The following NBEA variants were observed in gnomAD, a reference collection of about 807,000 sequenced individuals.
NBEA encodes the protein lysosomal-trafficking regulator 2.
A neutral mutation model predicts 343.4 loss-of-function variants in NBEA; 44 were observed. That is an observed-to-expected ratio of 0.13 (90% confidence interval 0.10 to 0.16). The LOEUF (loss-of-function observed/expected upper bound fraction) is 0.16, where lower values mean the gene tolerates loss of function less well. Among genes scored for constraint, NBEA ranks in the 10% least tolerant of loss-of-function variants. The pLI, the probability that NBEA is intolerant of heterozygous loss-of-function variation, is 1.00. For synonymous variants in NBEA, 1,175 were observed against 1,238.7 expected (o/e 0.95, Z 1.08); for missense variants, 2,555 against 3,631.3 (o/e 0.70, Z 7.62).
At chr13:35,299,029 T>G (rs1377745113) in intron 35 of NBEA, among the ~76,000 whole-genome samples, 1 of 152,050 alleles carries the variant, frequency 6.6e-6, no homozygotes, top group Non-Finnish European at 1.5e-5. Flanking sequence ...CTACAGAGTG[T>G]TTTTTTCACT....
At chr13:35,488,431 A>G (rs2076382054) in intron 41 of NBEA, among the ~76,000 whole-genome samples, 1 of 151,896 alleles carries the variant, frequency 6.6e-6, no homozygotes, top group Non-Finnish European at 1.5e-5. Flanking sequence ...CATTTGGGAT[A>G]AAGTATATAC....
At position 35,155,770 on chromosome 13, in the gene NBEA, T is replaced by C. The variant is rs780935696; in HGVS notation, c.2446-4T>C. ...AAATGAAGTTCAAATTCTTCATTTTTCAGATCTTGACAGAACAAGTATGTA... is the reference window on the plus strand; with the variant it reads ...AAATGAAGTTCAAATTCTTCATTTTCCAGATCTTGACAGAACAAGTATGTA... On this transcript the variant is annotated splice_region_variant and splice_polypyrimidine_tract_variant and intron_variant, in intron 18 of 58. Coordinates refer to ENST00000379939, the MANE Select transcript of NBEA (RefSeq NM_001385012.1). 3.1e-6 allele frequency: 5 copies of C among 1,595,836 alleles called. No individual in the cohort carries two copies. Among genetic ancestry groups the C allele is most frequent in the South Asian group, 1.1e-5 (1 of 90,388 alleles).
intron 38 of NBEA, among the ~76,000 whole-genome samples, chr13:35,411,001 G>A (rs1180599970): frequency 6.6e-6 from 1 of 152,144 alleles, no homozygotes; most frequent in African/African-American, 2.4e-5. Flanking sequence ...AAGTCAGCAA[G>A]CATAATGCCT....
intron 51 of NBEA, among the ~76,000 whole-genome samples, chr13:35,649,320 G>T (rs1270157248): frequency 6.6e-6 from 1 of 152,194 alleles, no homozygotes; most frequent in Non-Finnish European, 1.5e-5. Context: ...TTTTTAAGCT[G>T]CATTGCATAA....
Position 34,942,978 on chromosome 13 carries a change from C to T in NBEA, c.158C>T (p.Ser53Leu). The change falls in exon 1 of 59, where the codon TCG (serine) becomes TTG (leucine). Residue 53 changes from serine (S) to leucine (L), a missense_variant. This residue lies in a region of NBEA where 122 missense variants were observed against 91.0 expected (regional missense o/e 1.34). Coordinates refer to ENST00000379939, the MANE Select transcript of NBEA (RefSeq NM_001385012.1). The stretch of plus-strand genomic sequence containing the variant: ...CTAAGGGGGGCGTCCGGCTCCGGCT[C>T]GGTGATGCTCCCCGCGGGGATGATT... Reference protein sequence around the residue: ...GELRGASGSGSVMLPAGMINP... With the variant: ...GELRGASGSGLVMLPAGMINP... 2.5e-6 allele frequency: 4 copies of T among 1,605,696 alleles called. No homozygotes were observed. Among genetic ancestry groups the T allele is most frequent in the South Asian group, 1.1e-5 (1 of 90,870 alleles).
rs534274568 is a variant in NBEA at position 34,988,597 on chromosome 13, C to G, written c.294+45483C>G. The stretch of plus-strand genomic sequence containing the variant: ...AAGTCTCTGTGGGCGTGGGATCCGC[C>G]GAGCCAGACATGGGATATAATCTCC... On this transcript the variant is annotated intron_variant, in intron 1 of 58. Transcript: ENST00000379939. Among the ~76,000 whole-genome samples the G allele has an allele frequency of 2.6e-5, 4 of 151,096 alleles. No individual in the cohort carries two copies. The East Asian group carries it at 7.7e-4, about 29-fold the overall frequency.
chr13:35,045,109 G>A, intron 3 of NBEA, 62 bp downstream of exon 3: 2 of 1,445,704 alleles, frequency 1.4e-6, no homozygotes, highest in Non-Finnish European at 1.9e-6. Context: ...ATGTTCAAAA[G>A]TTTGTCTCTA....
intron 35 of NBEA, among the ~76,000 whole-genome samples, chr13:35,301,140 A>G (rs2152826209): frequency 6.6e-6 from 1 of 151,086 alleles, no homozygotes; most frequent in South Asian, 2.1e-4. Flanking sequence ...TGTTTTCTTC[A>G]TTGACCACAA....
rs566805331 is a variant in NBEA at position 35,414,929 on chromosome 13, C to T, written c.6180-17340C>T. ...CTTGATTCAATGATCGCCATTCTAA[C>T]TGGTGTGAGATGGTATCTCATTGTG... On this transcript the variant is annotated intron_variant, in intron 38 of 58. Coordinates refer to ENST00000379939, the MANE Select transcript of NBEA (RefSeq NM_001385012.1). Among the ~76,000 whole-genome samples the T allele has an allele frequency of 2.5e-3, 388 of 152,300 alleles. 1 individual carries two copies. The highest frequency in any genetic ancestry group is 9.1e-3 in the African/African-American group (379 of 41,566).
chr13:34,960,404 GAAAT>G (rs1197851856), intron 1 of NBEA, among the ~76,000 whole-genome samples: 4 of 151,952 alleles, frequency 2.6e-5, no homozygotes, highest in Non-Finnish European at 5.9e-5. Flanking sequence ...TAATATTAAA[GAAAT>G]AAACTTTTTT....
chr13:34,972,181 C>T (rs2060020595), intron 1 of NBEA, among the ~76,000 whole-genome samples: 1 of 151,264 alleles, frequency 6.6e-6, no homozygotes, highest in Admixed American at 6.6e-5. Context: ...TGGAGTATTC[C>T]CCTTACCATT....
chr13:35,597,526 T>C (rs2798336), intron 47 of NBEA, among the ~76,000 whole-genome samples: 75,650 of 151,988 alleles, frequency 0.5, 20,252 homozygotes, highest in Admixed American at 0.63. Flanking sequence ...TAAGCCCATC[T>C]TTTAAAATAA....
At chr13:35,259,244 C>A (rs2032978305) in intron 34 of NBEA, among the ~76,000 whole-genome samples, 1 of 152,142 alleles carries the variant, frequency 6.6e-6, no homozygotes, top group South Asian at 2.1e-4. Flanking sequence ...CCAGACTCAA[C>A]TGGTAAAATT....
chr13:35,392,676 G>T (rs1025973118), intron 38 of NBEA, among the ~76,000 whole-genome samples: 14 of 152,102 alleles, frequency 9.2e-5, no homozygotes, highest in African/African-American at 3.4e-4. Flanking sequence ...AATCCCAAGG[G>T]TTGTGCATAA....
At chr13:35,128,815 A>G (rs1044700423) in intron 17 of NBEA, among the ~76,000 whole-genome samples, 10 of 152,118 alleles carry the variant, frequency 6.6e-5, no homozygotes, top group African/African-American at 2.2e-4. Flanking sequence ...CATTTATACA[A>G]AGAGATTTTG....
At chr13:35,067,806 G>A (rs1374478712) in intron 8 of NBEA, among the ~76,000 whole-genome samples, 1 of 152,028 alleles carries the variant, frequency 6.6e-6, no homozygotes, top group Non-Finnish European at 1.5e-5. Flanking sequence ...GCATGATCAT[G>A]GCTCATTGTG....
intron 1 of NBEA, among the ~76,000 whole-genome samples, chr13:35,010,740 AAATATATATATATATATATATATAT>A (rs1323302550): frequency 3.0e-5 from 1 of 33,624 alleles, no homozygotes; most frequent in African/African-American, 9.3e-5. Flanking sequence ...AAAAAAAAAA[AAATATATATATATATATATATATAT>A]ATATATATAT....
At chr13:35,414,975 G>A (rs1172557255) in intron 38 of NBEA, among the ~76,000 whole-genome samples, 1 of 152,148 alleles carries the variant, frequency 6.6e-6, no homozygotes, top group East Asian at 1.9e-4. Context: ...GCATTTCTCT[G>A]ATGGCCAGTG....
chr13:35,079,755 C>T (rs536731538), intron 10 of NBEA, among the ~76,000 whole-genome samples: 166 of 152,124 alleles, frequency 1.1e-3, no homozygotes, highest in Admixed American at 1.8e-3. Flanking sequence ...GAAAATAGTC[C>T]ACCATGTTTG....
Sources: gnomAD v4.1 joint callset for allele counts (sites outside exome capture counted in the v4.1 genomes callset) on GRCh38, gnomAD v4.1.1 for gene constraint, gnomAD v4.1.1 regional missense constraint, MANE v1.5 for transcripts, NCBI Gene and HGNC (gene_info 2026-07-23, HGNC 2026-07-21) for gene names.